The following HOOK1 variants were observed in gnomAD, a reference collection of about 807,000 sequenced individuals.
The protein encoded by HOOK1 is hook microtubule tethering protein 1.
In HOOK1, 60 loss-of-function variants were observed where a neutral mutation model predicts 112.8. The observed-to-expected ratio is 0.53, with a 90% CI of 0.43 to 0.66. The LOEUF is 0.66. HOOK1 is among the 30% of genes least tolerant of loss of function. HOOK1 has a pLI of 0.00. For synonymous variants in HOOK1, 294 were observed against 283.8 expected (o/e 1.04, Z -0.36); for missense variants, 770 against 856.0 (o/e 0.90, Z 1.25).
intron 12 of HOOK1, among the ~76,000 whole-genome samples, chr1:59,854,038 A>ATATATATATATATATATTT (rs1559057062): frequency 8.7e-5 from 1 of 11,440 alleles, no homozygotes; most frequent in African/African-American, 5.0e-4. Flanking sequence ...ATATATATAT[A>ATATATATATATATATATTT]TTTTTTTTTT....
In HOOK1 at chr1:59,872,928, A is replaced by G. The variant is rs1197098785; in HGVS notation, c.2150A>G (p.Asn717Ser). 1.3e-6 allele frequency: 2 copies of G among 1,521,440 alleles called. No homozygotes were observed. The highest frequency in any genetic ancestry group is 1.7e-4 in the Middle Eastern group (1 of 5,890). 94.2% of individuals were successfully genotyped at this position (1,521,440 alleles called of 1,614,324 possible). Residue 717 changes from asparagine (N) to serine (S), a missense_variant, in exon 22 of 22, where the codon AAT (asparagine) becomes AGT (serine). By Grantham distance (46) the Asn-to-Ser change is conservative. Transcript: ENST00000371208. ...CGGCACATCACCAACACCAGAAGAAATCTCTCTGTTAAAGTCCCTGCTACA... is the reference window on the plus strand; with the variant it reads ...CGGCACATCACCAACACCAGAAGAAGTCTCTCTGTTAAAGTCCCTGCTACA... Reference protein sequence around the residue: ...QQRHITNTRRNLSVKVPATTS... With the variant: ...QQRHITNTRRSLSVKVPATTS...
At chr1:59,815,282 C>A (rs984043036) in intron 1 of HOOK1, 102 bp downstream of exon 1, 9 of 1,083,216 alleles carry the variant, frequency 8.3e-6, no homozygotes, top group Admixed American at 2.3e-5. Flanking sequence ...TGCACAGGGT[C>A]CCGGCGCACC....
intron 7 of HOOK1, 38 bp from the exon 8 acceptor site, chr1:59,840,270 A>G: frequency 7.7e-6 from 11 of 1,429,534 alleles, no homozygotes; most frequent in Non-Finnish European, 1.0e-5. Flanking sequence ...TTGTGTCAAA[A>G]CACGATTTAC....
At chr1:59,852,582 G>T (rs768379760) in intron 12 of HOOK1, among the ~76,000 whole-genome samples, 2 of 144,570 alleles carry the variant, frequency 1.4e-5, no homozygotes, top group African/African-American at 5.1e-5. Context: ...CAATTTTGTT[G>T]ATCTTTTCAA....
chr1:59,846,577 TCCTTCCTTCCTCCCTCCTCCCTC>T (rs2098404057), intron 9 of HOOK1, among the ~76,000 whole-genome samples: 1 of 9,248 alleles, frequency 1.1e-4, no homozygotes, highest in Non-Finnish European at 2.2e-4. Context: ...CTTCCTTCCT[TCCTTCCTTCCTCCCTCCTCCCTC>T]CCTCCCTCCC....
intron 8 of HOOK1, 99 bp downstream of exon 8, chr1:59,840,490 G>A (rs969007373): frequency 2.8e-5 from 16 of 574,074 alleles, no homozygotes; most frequent in Non-Finnish European, 3.6e-5. Flanking sequence ...TGTAGATTAG[G>A]TTTGACTTCA....
chr1:59,862,826 G>A lies in HOOK1; in HGVS notation c.1575G>A (p.Glu525=), dbSNP rs1188812397. The A allele has an allele frequency of 6.2e-7, 1 of 1,612,344 alleles. No homozygotes were observed. Among genetic ancestry groups the A allele is most frequent in the Non-Finnish European group, 8.5e-7 (1 of 1,178,554 alleles). The part of the protein sequence containing the change: ...ERIRELQQQI[E]DLQKSLQEQG... ...TTAGAGAATTGCAGCAGCAGATTGA[G>A]GACCTCCAGAAATCTTTACAGGAAC... Residue 525 remains glutamate (E), a synonymous_variant, in exon 16 of 22, where the codon GAG becomes GAA. Transcript: ENST00000371208.
chr1:59,865,114 C>A, intron 17 of HOOK1, 49 bp from the exon 18 acceptor site: 2 of 1,172,520 alleles, frequency 1.7e-6, no homozygotes, highest in Non-Finnish European at 2.6e-6. Flanking sequence ...CCAAGGTCCA[C>A]AAATGTTATA....
chr1:59,814,977 G>A lies in HOOK1; in HGVS notation c.-141G>A, dbSNP rs2098379937. ...ACGCCGGACGCGTCGACAGCGCGAG[G>A]GTTCGCGCGTGAGCTGCGCGGGTCG... On this transcript the variant is annotated 5_prime_UTR_variant, in exon 1 of 22. Coordinates refer to ENST00000371208, the MANE Select transcript of HOOK1 (RefSeq NM_015888.6). The A allele has an allele frequency of 1.3e-6, 1 of 788,138 alleles. No individual in the cohort carries two copies. 48.8% of individuals were successfully genotyped at this position (788,138 alleles called of 1,614,324 possible). A position where few individuals can be genotyped will look rare whatever the true frequency, so the allele number is the denominator to read the frequency against.
At chr1:59,828,388 C>G (rs976890059) in intron 2 of HOOK1, among the ~76,000 whole-genome samples, 1 of 152,158 alleles carries the variant, frequency 6.6e-6, no homozygotes, top group Admixed American at 6.5e-5. Context: ...CTCTCATCCT[C>G]AATTCCCTAA....
chr1:59,865,298 C>T, intron 18 of HOOK1, 53 bp downstream of exon 18: 1 of 1,090,852 alleles, frequency 9.2e-7, no homozygotes, highest in South Asian at 1.3e-5. Context: ...AGGACTTACC[C>T]TTTTTTATTG....
At chr1:59,828,942 T>G (rs563783234) in intron 3 of HOOK1, 90 bp downstream of exon 3, 2 of 987,100 alleles carry the variant, frequency 2.0e-6, no homozygotes, top group South Asian at 3.1e-5. Flanking sequence ...CAAATTAACT[T>G]ATAGTACTTT....
chr1:59,832,338 T>A, intron 4 of HOOK1, 125 bp downstream of exon 4: 1 of 620,114 alleles, frequency 1.6e-6, no homozygotes, highest in Non-Finnish European at 2.8e-6. Context: ...TTAGAACATG[T>A]TTTATTGTCA....
At position 59,846,195 on chromosome 1, in the gene HOOK1, AGTT is replaced by A. The variant is rs1487030028; in HGVS notation, c.789-846_789-844del. Among the ~76,000 whole-genome samples, 3 of 151,852 alleles carry A rather than the reference AGTT, an allele frequency of 2.0e-5. No individual in the cohort carries two copies. In the East Asian group the frequency reaches 5.8e-4, roughly 29 times the overall value. ...AAAACTCAGTGTCTATGGTTATTTA[AGTT>A]GTTTAATTTATCGACATGAAGTTGT... On this transcript the variant is annotated intron_variant, in intron 9 of 21. Coordinates refer to ENST00000371208, the MANE Select transcript of HOOK1 (RefSeq NM_015888.6).
rs1009580397 is a variant in HOOK1, at chr1:59,838,593, T to C, written c.537+1658T>C. On this transcript the variant is annotated intron_variant, in intron 7 of 21. Transcript: ENST00000371208. ...GTTTAAGTTCTTTGTAGATTCTGGATATTAGCCCTTTGTCAGATGGATAGA... is the reference window on the plus strand; with the variant it reads ...GTTTAAGTTCTTTGTAGATTCTGGACATTAGCCCTTTGTCAGATGGATAGA... Among the ~76,000 whole-genome samples the C allele has an allele frequency of 2.0e-5, 3 of 152,342 alleles. No individual in the cohort carries two copies. In the South Asian group the frequency reaches 6.2e-4, roughly 32 times the overall value.
chr1:59,863,812 G>A (rs2098414863), intron 16 of HOOK1: 45 of 956,186 alleles, frequency 4.7e-5, no homozygotes, highest in Non-Finnish European at 5.5e-5. Flanking sequence ...TTCCCTGGGG[G>A]CTTGGAAAAT....
intron 3 of HOOK1, 41 bp downstream of exon 3, chr1:59,828,893 G>T (rs779794991): frequency 1.3e-5 from 19 of 1,480,340 alleles, no homozygotes; most frequent in Non-Finnish European, 5.6e-6. Flanking sequence ...TCCAAACAGT[G>T]GTCCTAAAGT....
At chr1:59,826,298 A>C (rs938346051) in intron 2 of HOOK1, among the ~76,000 whole-genome samples, 1 of 152,070 alleles carries the variant, frequency 6.6e-6, no homozygotes, top group Admixed American at 6.6e-5. Flanking sequence ...TTGGGTGCCA[A>C]GACTCTAAGG....
chr1:59,814,975 AGGGTTCGCGCGTGAGCTGCGC>A lies in HOOK1; in HGVS notation c.-138_-118del, dbSNP rs894910840. 1.0e-5 allele frequency: 8 copies of A among 764,110 alleles called. No individual in the cohort carries two copies. Among genetic ancestry groups the A allele is most frequent in the African/African-American group, 3.7e-5 (2 of 54,768 alleles). The allele number at this position is 764,110 out of a possible 1,614,324, so 47.3% of individuals were successfully genotyped here. A position where few individuals can be genotyped will look rare whatever the true frequency, so the allele number is the denominator to read the frequency against. On this transcript the variant is annotated 5_prime_UTR_variant, in exon 1 of 22. Coordinates refer to ENST00000371208, the MANE Select transcript of HOOK1 (RefSeq NM_015888.6). ...TGACGCCGGACGCGTCGACAGCGCGAGGGTTCGCGCGTGAGCTGCGCGGGTCGGGCCTGGTACCGAGCTTTC... is the reference window on the plus strand; with the variant it reads ...TGACGCCGGACGCGTCGACAGCGCGAGGGTCGGGCCTGGTACCGAGCTTTC...
Sources: gnomAD v4.1 joint callset for allele counts (sites outside exome capture counted in the v4.1 genomes callset) on GRCh38, gnomAD v4.1.1 for gene constraint, MANE v1.5 for transcripts, NCBI Gene and HGNC (gene_info 2026-07-23, HGNC 2026-07-21) for gene names.